TAF4: variants seen among roughly 807,000 people sequenced by gnomAD.
TAF4 encodes the protein transcription initiation factor TFIID subunit 4.
In TAF4, 9 loss-of-function variants were observed where a neutral mutation model predicts 90.3. That is an observed-to-expected ratio of 0.10 (90% confidence interval 0.06 to 0.17). The LOEUF is 0.17. Among genes scored for constraint, TAF4 ranks in the 10% least tolerant of loss-of-function variants. The probability of loss-of-function intolerance (pLI) is 1.00; values close to 1 mark genes in which losing one functional copy is unlikely to be tolerated. For synonymous variants in TAF4, 818 were observed against 638.9 expected (o/e 1.28, Z -4.23); for missense variants, 1,351 against 1,370.7 (o/e 0.99, Z 0.23).
intron 14 of TAF4, among the ~76,000 whole-genome samples, chr20:61,981,663 G>A (rs2123093927): frequency 6.6e-6 from 1 of 152,190 alleles, no homozygotes; most frequent in South Asian, 2.1e-4. Flanking sequence ...GAGAAAACAG[G>A]GCAAATGAGA....
At chr20:62,009,997 C>A (rs200023709) in intron 4 of TAF4, 49 bp downstream of exon 4, 1 of 1,606,862 alleles carries the variant, frequency 6.2e-7, no homozygotes, top group Non-Finnish European at 8.5e-7. Context: ...TTCTGACCTG[C>A]GCCACGGGCC....
chr20:62,057,699 G>A lies in TAF4; in HGVS notation c.1360+6752C>T, dbSNP rs7271262. On this transcript the variant is annotated intron_variant, in intron 1 of 14. Coordinates refer to ENST00000252996, the MANE Select transcript of TAF4 (RefSeq NM_003185.4). ...ACCTCAGCAAGACCTCAGGAAGGAC[G>A]GACACAGGCCTACACACCAGGCCAC... is the stretch of plus-strand genomic sequence containing the variant. Among the ~76,000 whole-genome samples the A allele has an allele frequency of 5.8e-4, 13 of 22,342 alleles. 3 individuals are homozygous for A. The highest frequency in any genetic ancestry group is 3.2e-3 in the African/African-American group (13 of 4,044). The allele number at this position is 22,342 out of a possible 152,430, so 14.7% of individuals were successfully genotyped here.
Position 62,022,867 on chromosome 20 carries a change from C to A in TAF4, c.1361-8160G>T, listed in dbSNP as rs553699850. On this transcript the variant is annotated intron_variant, in intron 1 of 14. Transcript: ENST00000252996. ...TCCTGGTCCAGCACTTGCAGCCCCC[C>A]CCCCGCACATTGCAGATACTATTGT... Among the ~76,000 whole-genome samples the A allele has an allele frequency of 6.1e-3, 924 of 152,102 alleles. 4 individuals are homozygous for A. The highest frequency in any genetic ancestry group is 9.7e-3 in the Non-Finnish European group (661 of 67,992).
chr20:62,003,021 A>T, intron 9 of TAF4, 139 bp downstream of exon 9: 1 of 624,550 alleles, frequency 1.6e-6, no homozygotes, highest in Admixed American at 3.1e-5. Context: ...GGTCAAAGTG[A>T]GCGTGAAGCA....
rs1282956109 is a variant in TAF4 at position 62,006,680 on chromosome 20, G to C, written c.2053C>G (p.Pro685Ala). 6.3e-7 allele frequency: 1 copy of C among 1,594,756 alleles called. No homozygotes were observed. The highest frequency in any genetic ancestry group is 8.6e-7 in the Non-Finnish European group (1 of 1,167,298). Residue 685 changes from proline (P) to alanine (A), a missense_variant, in exon 7 of 15, where the codon CCC becomes GCC. Around this residue, in one of 9 missense-constraint regions of TAF4, gnomAD observed 202 missense variants for 229.7 expected, o/e 0.88. Coordinates refer to ENST00000252996, the MANE Select transcript of TAF4 (RefSeq NM_003185.4). The surrounding 1 kb of genome is among the most constrained non-coding windows in gnomAD (Gnocchi z 7.0). ...IQQSQQQPPP[P>A]TSQATTALTA... The stretch of plus-strand genomic sequence containing the variant: ...AGCGCAGTGGTGGCCTGCGAGGTGG[G>C]CGGTGGCGGCTGCTGCTGGCTCTGC...
At chr20:61,987,340 G>A (rs1164541775) in intron 14 of TAF4, among the ~76,000 whole-genome samples, 2 of 152,316 alleles carry the variant, frequency 1.3e-5, no homozygotes, top group Non-Finnish European at 1.5e-5. Flanking sequence ...GGAGCCGCGA[G>A]GGTCCCGGGG....
At chr20:62,055,807 T>C (rs1409421992) in intron 1 of TAF4, among the ~76,000 whole-genome samples, 1 of 152,158 alleles carries the variant, frequency 6.6e-6, no homozygotes, top group Non-Finnish European at 1.5e-5. Context: ...TTCCTGCTGA[T>C]CTGTTTGCCT....
rs186579916 is a variant in TAF4 at position 61,998,504 on chromosome 20, T to C, written c.2914-312A>G. ...GGCAGAATGGGCCTCATAGGCTCCT[T>C]GCTGTCCTGTCCCACACACCAGGGA... On this transcript the variant is annotated intron_variant, in intron 12 of 14. Transcript: ENST00000252996. Among the ~76,000 whole-genome samples, 312 of 152,306 alleles carry C rather than the reference T, an allele frequency of 2.0e-3. 1 individual carries two copies. Among genetic ancestry groups the C allele is most frequent in the Admixed American group, 3.3e-3 (50 of 15,296 alleles).
Position 62,010,233 on chromosome 20 carries a change from T to A in TAF4, c.1642-68A>T. ...CCAGCTGACGAGGGGGAGACCAGCC[T>A]CACGCCCAGCAAAAGAAAACAAGCC... is the stretch of plus-strand genomic sequence containing the variant. On this transcript the variant is annotated intron_variant, in intron 3 of 14. Transcript: ENST00000252996. This position sits in a 1 kb window ranked among gnomAD's most constrained non-coding sequence, Gnocchi z 4.5. 1 of 1,605,726 alleles carries A rather than the reference T, an allele frequency of 6.2e-7. No individual in the cohort carries two copies. The highest frequency in any genetic ancestry group is 8.5e-7 in the Non-Finnish European group (1 of 1,176,458).
At chr20:62,042,494 C>T (rs2055969269) in intron 1 of TAF4, among the ~76,000 whole-genome samples, 1 of 152,218 alleles carries the variant, frequency 6.6e-6, no homozygotes. Context: ...TAACACTTAG[C>T]CATCTGAGAA....
chr20:62,041,350 G>A (rs1262592150), intron 1 of TAF4, among the ~76,000 whole-genome samples: 1 of 152,184 alleles, frequency 6.6e-6, no homozygotes, highest in African/African-American at 2.4e-5. Context: ...CAAACTGTCA[G>A]CCTCCACGTA....
chr20:62,002,889 T>TA (rs28382091), intron 9 of TAF4, among the ~76,000 whole-genome samples: 1,627 of 152,354 alleles, frequency 0.011, 14 homozygotes, highest in Non-Finnish European at 0.017. Context: ...GATGTTATAC[T>TA]AAAAAATGAA....
chr20:62,000,523 A>T (rs1286181688), intron 10 of TAF4, 29 bp downstream of exon 10: 1 of 1,601,698 alleles, frequency 6.2e-7, no homozygotes, highest in Non-Finnish European at 8.5e-7. Context: ...GCTGTTTAAT[A>T]AGAACTCAGT....
chr20:62,035,351 G>A (rs2145496948), intron 1 of TAF4, among the ~76,000 whole-genome samples: 1 of 152,330 alleles, frequency 6.6e-6, no homozygotes, highest in Non-Finnish European at 1.5e-5. Context: ...TGCTACTGAT[G>A]AAAGGACAGA....
chr20:62,055,278 C>A (rs36181460), intron 1 of TAF4, among the ~76,000 whole-genome samples: 3 of 149,904 alleles, frequency 2.0e-5, no homozygotes, highest in Non-Finnish European at 4.4e-5. Context: ...GCAAGACGAT[C>A]GATTCACGCT....
In TAF4 at chr20:62,013,905, G is replaced by GT. The variant is rs1491525727; in HGVS notation, c.1521+641_1521+642insA. 5.8e-3 allele frequency among the ~76,000 whole-genome samples: 699 copies of GT among 119,504 alleles called. 5 individuals carry two copies. The highest frequency in any genetic ancestry group is 0.019 in the African/African-American group (617 of 32,240). 78.4% of individuals were successfully genotyped at this position (119,504 alleles called of 152,430 possible). ...GAGCTTCGGCCCTGAAGGCTGACGC[G>GT]GGTGTGTGTGTGTGTGTGTGTGTGT... is the stretch of plus-strand genomic sequence containing the variant. On this transcript the variant is annotated intron_variant, in intron 2 of 14. Transcript: ENST00000252996.
chr20:62,013,436 G>C (rs1320777243), intron 2 of TAF4, among the ~76,000 whole-genome samples: 1 of 152,268 alleles, frequency 6.6e-6, no homozygotes, highest in East Asian at 1.9e-4. Flanking sequence ...AGAGCAGATG[G>C]CAGACTGCAA....
intron 5 of TAF4, 44 bp from the exon 6 acceptor site, chr20:62,007,680 C>A (rs766872782): frequency 2.2e-5 from 34 of 1,536,732 alleles, no homozygotes; most frequent in Non-Finnish European, 3.0e-5. Context: ...AATGAGATTC[C>A]ACACACACTT....
At chr20:62,007,717 T>C in intron 5 of TAF4, 81 bp from the exon 6 acceptor site, 1 of 1,368,110 alleles carries the variant, frequency 7.3e-7, no homozygotes, top group Non-Finnish European at 1.0e-6. Flanking sequence ...TCTGGTCTCG[T>C]ATTTTACGGC....
Sources: gnomAD v4.1 joint callset for allele counts (sites outside exome capture counted in the v4.1 genomes callset) on GRCh38, gnomAD v4.1.1 for gene constraint, gnomAD v4.1.1 regional missense constraint, Gnocchi (gnomAD v3.1) non-coding constraint, MANE v1.5 for transcripts, NCBI Gene and HGNC (gene_info 2026-07-23, HGNC 2026-07-21) for gene names.